Variants in PGBD5 observed in about 807,000 individuals in gnomAD.
PGBD5 encodes piggyBac transposable element-derived protein 5.
A neutral mutation model predicts 47.9 loss-of-function variants in PGBD5; 14 were observed. The ratio of observed to expected loss-of-function variants is 0.29; its 90% confidence interval spans 0.19 to 0.46. The LOEUF (loss-of-function observed/expected upper bound fraction) is 0.46. Ranked by LOEUF, PGBD5 falls within the 20% of genes least tolerant of loss-of-function variation. The probability of loss-of-function intolerance (pLI) is 1.00; values close to 1 mark genes in which losing one functional copy is unlikely to be tolerated. For missense variants in PGBD5, 635 were observed against 716.0 expected, an observed-to-expected ratio of 0.89 and a Z score of 1.29; for synonymous variants, 316 against 306.3, an observed-to-expected ratio of 1.03 and a Z score of -0.33.
chr1:230,392,602 T>G (rs1656816294), intron 1 of PGBD5, among the ~76,000 whole-genome samples: 1 of 152,174 alleles, frequency 6.6e-6, no homozygotes, highest in South Asian at 2.1e-4. Flanking sequence ...CGGACTCTCC[T>G]CCTTCCGGGG....
At chr1:230,339,217 C>T (rs1475946447) in intron 3 of PGBD5, among the ~76,000 whole-genome samples, 1 of 152,138 alleles carries the variant, frequency 6.6e-6, no homozygotes. Flanking sequence ...TTTAAACCAG[C>T]GGAGTGAAGA....
intron 1 of PGBD5, among the ~76,000 whole-genome samples, chr1:230,360,739 C>T (rs888803178): frequency 2.0e-5 from 3 of 152,296 alleles, no homozygotes; most frequent in South Asian, 2.1e-4. Flanking sequence ...ATTATCCACC[C>T]TCAGGTATTT....
chr1:230,386,936 T>C (rs1385157920), intron 1 of PGBD5, among the ~76,000 whole-genome samples: 2 of 152,156 alleles, frequency 1.3e-5, no homozygotes. Context: ...CCCACATAAA[T>C]AGCATCGCTT....
intron 1 of PGBD5, among the ~76,000 whole-genome samples, chr1:230,374,548 G>C (rs550730819): frequency 1.3e-5 from 2 of 152,282 alleles, no homozygotes; most frequent in Admixed American, 6.5e-5. Flanking sequence ...CTAAGCATCA[G>C]CCATGATCCC....
chr1:230,416,202 G>T (rs1398599916), intron 1 of PGBD5, among the ~76,000 whole-genome samples: 4 of 152,112 alleles, frequency 2.6e-5, no homozygotes, highest in African/African-American at 9.7e-5. Context: ...ATCAAGTTTG[G>T]TCTTCCAACC....
chr1:230,387,451 G>A (rs917575667), intron 1 of PGBD5, among the ~76,000 whole-genome samples: 13 of 152,286 alleles, frequency 8.5e-5, no homozygotes, highest in African/African-American at 1.9e-4. Context: ...TTGGGGAAGC[G>A]CCTGTGGCCT....
In PGBD5 at chr1:230,319,410, C is replaced by T. The variant is rs1667000778; in HGVS notation, c.*4015G>A. 6.6e-6 allele frequency: 1 copy of T among 152,194 alleles called. No individual in the cohort carries two copies. Among genetic ancestry groups the T allele is most frequent in the Non-Finnish European group, 1.5e-5 (1 of 68,064 alleles). 9.4% of individuals were successfully genotyped at this position (152,194 alleles called of 1,614,324 possible). The stretch of plus-strand genomic sequence containing the variant: ...CGTTGACTTGTTCTCGCCCCAATCC[C>T]AGGCAAGTGGGGAAATGTTTTTTTT... On this transcript the variant is annotated 3_prime_UTR_variant, in exon 7 of 7. Transcript: ENST00000391860.
At chr1:230,372,511 T>C (rs9628706) in intron 1 of PGBD5, among the ~76,000 whole-genome samples, 13,061 of 152,250 alleles carry the variant, frequency 0.086, 1,861 homozygotes, top group African/African-American at 0.29. Context: ...TCTGATGTGA[T>C]AAAGAGCTTG....
At chr1:230,365,711 C>A (rs1571842545) in intron 1 of PGBD5, among the ~76,000 whole-genome samples, 1 of 152,250 alleles carries the variant, frequency 6.6e-6, no homozygotes, top group Non-Finnish European at 1.5e-5. Context: ...GAGCACTACA[C>A]TGCCACACGC....
intron 1 of PGBD5, among the ~76,000 whole-genome samples, chr1:230,396,144 A>C (rs147156124): frequency 9.3e-4 from 58 of 62,474 alleles, no homozygotes; most frequent in Admixed American, 3.7e-3. Flanking sequence ...CCCCATACTC[A>C]TCCCTTTTAC....
chr1:230,424,481 C>A (rs767393216), intron 1 of PGBD5, among the ~76,000 whole-genome samples: 2 of 152,250 alleles, frequency 1.3e-5, no homozygotes, highest in Non-Finnish European at 2.9e-5. Flanking sequence ...GTCCAGCTAA[C>A]CCTACCGGCC....
chr1:230,346,687 C>T (rs1212275416), intron 3 of PGBD5, among the ~76,000 whole-genome samples: 1 of 152,182 alleles, frequency 6.6e-6, no homozygotes, highest in Admixed American at 6.5e-5. Context: ...CTCATGGCTA[C>T]TCTCTTCTTT....
chr1:230,323,423 C>G lies in PGBD5; in HGVS notation c.*2G>C. On this transcript the variant is annotated 3_prime_UTR_variant, in exon 7 of 7. Coordinates refer to ENST00000391860, the MANE Select transcript of PGBD5 (RefSeq NM_001258311.2). This position sits in a 1 kb window ranked among gnomAD's most constrained non-coding sequence, Gnocchi z 4.1. Reference sequence around the variant, plus strand: ...CCTTGACCGAGTCCTGCGCCCCCAGCATCAGTGGGTCGGAGAGGCATCCTC... The same window carrying G: ...CCTTGACCGAGTCCTGCGCCCCCAGGATCAGTGGGTCGGAGAGGCATCCTC... 1 of 1,612,140 alleles carries G rather than the reference C, an allele frequency of 6.2e-7. No homozygotes were observed.
chr1:230,382,423 A>G (rs1043142504), intron 1 of PGBD5, among the ~76,000 whole-genome samples: 2 of 152,230 alleles, frequency 1.3e-5, no homozygotes, highest in African/African-American at 4.8e-5. Context: ...GTAGCGGCCA[A>G]CTGTGAGCAC....
chr1:230,402,114 T>C (rs373550342), intron 1 of PGBD5, among the ~76,000 whole-genome samples: 1 of 152,308 alleles, frequency 6.6e-6, no homozygotes, highest in East Asian at 1.9e-4. Flanking sequence ...TTTTCCAGTC[T>C]TTCCTTAAAA....
At chr1:230,348,866 T>A (rs1445720077) in intron 3 of PGBD5, among the ~76,000 whole-genome samples, 1 of 152,184 alleles carries the variant, frequency 6.6e-6, no homozygotes, top group Admixed American at 6.5e-5. Context: ...ATTAATTGCC[T>A]CCTTGGCTCT....
chr1:230,342,909 G>A (rs1667428652), intron 3 of PGBD5, among the ~76,000 whole-genome samples: 1 of 152,138 alleles, frequency 6.6e-6, no homozygotes, highest in Admixed American at 6.5e-5. Flanking sequence ...CAGCCACACT[G>A]GTCACAATGC....
intron 5 of PGBD5, among the ~76,000 whole-genome samples, chr1:230,331,062 G>T (rs1044793816): frequency 6.6e-6 from 1 of 152,034 alleles, no homozygotes; most frequent in African/African-American, 2.4e-5. Flanking sequence ...CTTTCACTGA[G>T]CTCAGATGAA....
chr1:230,367,931 A>G lies in PGBD5; in HGVS notation c.332-10610T>C, dbSNP rs371133475. ...GAGGCTCGGGGAAGAGAACTTGCTC[A>G]AGGTCACGCAAGCTGGCACACCAAG... is the stretch of plus-strand genomic sequence containing the variant. On this transcript the variant is annotated intron_variant, in intron 1 of 6. Coordinates refer to ENST00000391860, the MANE Select transcript of PGBD5 (RefSeq NM_001258311.2). The G allele has an allele frequency of 2.3e-5, 31 of 1,361,270 alleles. No homozygotes were observed. In the African/African-American group the frequency reaches 4.6e-4, roughly 20 times the overall value. 84.3% of individuals were successfully genotyped at this position (1,361,270 alleles called of 1,614,324 possible). A position where few individuals can be genotyped will look rare whatever the true frequency, so the allele number is the denominator to read the frequency against.
Sources: gnomAD v4.1 joint callset for allele counts (sites outside exome capture counted in the v4.1 genomes callset) on GRCh38, gnomAD v4.1.1 for gene constraint, Gnocchi (gnomAD v3.1) non-coding constraint, MANE v1.5 for transcripts, NCBI Gene and HGNC (gene_info 2026-07-23, HGNC 2026-07-21) for gene names.